The following CLYBL variants were observed in gnomAD, a reference collection of about 807,000 sequenced individuals.
CLYBL encodes citramalyl-CoA lyase, also known as citramalyl-CoA lyase, mitochondrial.
CLYBL carries 31 observed loss-of-function variants against 38.9 expected under a neutral mutation model. That is an observed-to-expected ratio of 0.80 (90% confidence interval 0.60 to 1.08). The LOEUF is 1.08. CLYBL is among the 50% of genes least tolerant of loss of function. The pLI is 0.00. For missense variants in CLYBL, 434 were observed against 411.6 expected (o/e 1.05, Z -0.47); for synonymous variants, 171 against 158.6 (o/e 1.08, Z -0.59).
intron 3 of CLYBL, among the ~76,000 whole-genome samples, chr13:99,862,263 C>T (rs145651061): frequency 5.3e-5 from 8 of 152,252 alleles, no homozygotes; most frequent in Admixed American, 2.6e-4. Flanking sequence ...TCTAGATAGA[C>T]ATAATAGATT....
intron 1 of CLYBL, among the ~76,000 whole-genome samples, chr13:99,725,765 T>C (rs2048462028): frequency 6.6e-6 from 1 of 152,198 alleles, no homozygotes; most frequent in Non-Finnish European, 1.5e-5. Context: ...TTGGTTCTGA[T>C]GGACTGGAAC....
At chr13:99,884,840 G>A (rs1256725006) in intron 7 of CLYBL, 3 of 399,544 alleles carry the variant, frequency 7.5e-6, no homozygotes, top group Non-Finnish European at 1.5e-5. Context: ...GCACATTCCA[G>A]GTGACTTAAA....
intron 1 of CLYBL, among the ~76,000 whole-genome samples, chr13:99,700,970 G>A (rs1469354573): frequency 2.0e-5 from 3 of 152,116 alleles, no homozygotes; most frequent in Non-Finnish European, 4.4e-5. Flanking sequence ...TTTCCAGTGT[G>A]AATTTTTCCT....
intron 1 of CLYBL, among the ~76,000 whole-genome samples, chr13:99,769,529 G>T (rs888288596): frequency 3.3e-5 from 5 of 152,176 alleles, no homozygotes; most frequent in African/African-American, 1.2e-4. Flanking sequence ...CTAGTCTCCA[G>T]TGTGAATGAT....
At chr13:99,832,466 G>A (rs150361759) in intron 2 of CLYBL, among the ~76,000 whole-genome samples, 18 of 152,282 alleles carry the variant, frequency 1.2e-4, no homozygotes, top group African/African-American at 4.3e-4. Flanking sequence ...AGAAGCCAAC[G>A]TATAGACAGG....
intron 1 of CLYBL, among the ~76,000 whole-genome samples, chr13:99,737,038 A>G (rs2048679592): frequency 6.6e-6 from 1 of 152,216 alleles, no homozygotes; most frequent in African/African-American, 2.4e-5. Flanking sequence ...ATAGATAATC[A>G]TAACATTATT....
chr13:99,735,217 A>G (rs865818987), intron 1 of CLYBL, among the ~76,000 whole-genome samples: 2 of 152,286 alleles, frequency 1.3e-5, no homozygotes, highest in South Asian at 4.2e-4. Context: ...TTTTAGAGGC[A>G]GAGTCTCGCT....
At chr13:99,618,821 T>C (rs1336700891) in intron 1 of CLYBL, among the ~76,000 whole-genome samples, 2 of 152,246 alleles carry the variant, frequency 1.3e-5, no homozygotes, top group African/African-American at 4.8e-5. Flanking sequence ...TCCTTTTGTG[T>C]TTGGCTTATT....
chr13:99,830,377 G>A lies in CLYBL; in HGVS notation c.250-28484G>A, dbSNP rs9585237. On this transcript the variant is annotated intron_variant, in intron 2 of 8. Transcript: ENST00000339105. ...CACAACGGGAAGGACAGGCACTGAC[G>A]CACATAAAGATGAGGAGGCTGAGCG... 2.0e-3 allele frequency among the ~76,000 whole-genome samples: 311 copies of A among 152,254 alleles called. 2 individuals carry two copies. The highest frequency in any genetic ancestry group is 7.2e-3 in the African/African-American group (299 of 41,560).
At chr13:99,749,821 TTC>T (rs758519811) in intron 1 of CLYBL, among the ~76,000 whole-genome samples, 17 of 152,272 alleles carry the variant, frequency 1.1e-4, no homozygotes, top group Non-Finnish European at 2.2e-4. Context: ...AAGCTCCCCT[TTC>T]TCCTTGCATG....
chr13:99,781,901 C>G (rs982780285), intron 2 of CLYBL, among the ~76,000 whole-genome samples: 3 of 152,188 alleles, frequency 2.0e-5, no homozygotes, highest in African/African-American at 4.8e-5. Context: ...TAAAATTAAT[C>G]CATATCTTTC....
At chr13:99,705,031 A>G (rs190242598) in intron 1 of CLYBL, among the ~76,000 whole-genome samples, 1 of 152,344 alleles carries the variant, frequency 6.6e-6, no homozygotes, top group East Asian at 1.9e-4. Flanking sequence ...GCAAACCACA[A>G]TGAAAGCATT....
At chr13:99,878,601 C>A (rs2038694) in intron 7 of CLYBL, among the ~76,000 whole-genome samples, 134,136 of 152,292 alleles carry the variant, frequency 0.88, 59,507 homozygotes, top group African/African-American at 0.97. Context: ...AAATCAATGA[C>A]TTATGCACGT....
intron 2 of CLYBL, among the ~76,000 whole-genome samples, chr13:99,800,902 A>AC (rs1008475912): frequency 1.7e-4 from 22 of 133,276 alleles, no homozygotes; most frequent in African/African-American, 5.1e-4. Flanking sequence ...AACAAAAAAA[A>AC]AAAACAAAAA....
At chr13:99,670,486 T>C (rs892276093) in intron 1 of CLYBL, among the ~76,000 whole-genome samples, 2 of 152,228 alleles carry the variant, frequency 1.3e-5, no homozygotes, top group Admixed American at 6.5e-5. Flanking sequence ...AAAACTTACC[T>C]GCAGTTTCTA....
chr13:99,877,594 TAAGACAGTGTC>T, intron 7 of CLYBL: 1 of 322,870 alleles, frequency 3.1e-6, no homozygotes, highest in Non-Finnish European at 5.7e-6. Flanking sequence ...TTTTTTTTTT[TAAGACAGTGTC>T]TTGCTCTGCC....
intron 1 of CLYBL, among the ~76,000 whole-genome samples, chr13:99,728,995 C>T (rs552212070): frequency 6.6e-6 from 1 of 152,346 alleles, no homozygotes; most frequent in East Asian, 1.9e-4. Context: ...CTTCTTTCCT[C>T]ATAATTGTGT....
chr13:99,676,186 GTCCTTCCTTCCTTCCT>G (rs35403713), intron 1 of CLYBL, among the ~76,000 whole-genome samples: 5,331 of 133,054 alleles, frequency 0.04, 146 homozygotes, highest in Non-Finnish European at 0.051. Context: ...CCCTCCGTCC[GTCCTTCCTTCCTTCCT>G]TCCTTCCTTC....
At chr13:99,644,466 AG>A (rs2047147813) in intron 1 of CLYBL, among the ~76,000 whole-genome samples, 1 of 152,234 alleles carries the variant, frequency 6.6e-6, no homozygotes, top group Non-Finnish European at 1.5e-5. Flanking sequence ...CAAGGTAAAT[AG>A]GGTATCTCTG....
Sources: gnomAD v4.1 joint callset for allele counts (sites outside exome capture counted in the v4.1 genomes callset) on GRCh38, gnomAD v4.1.1 for gene constraint, MANE v1.5 for transcripts, NCBI Gene and HGNC (gene_info 2026-07-23, HGNC 2026-07-21) for gene names.